SESN1: variants seen among roughly 807,000 people sequenced by gnomAD.
SESN1 encodes sestrin-1.
SESN1 carries 30 observed loss-of-function variants against 59.3 expected under a neutral mutation model. The observed-to-expected ratio is 0.51, with a 90% confidence interval of 0.38 to 0.69. The LOEUF (loss-of-function observed/expected upper bound fraction) is 0.69, where lower values mean the gene tolerates loss of function less well. Ranked by LOEUF, SESN1 falls within the 30% of genes least tolerant of loss-of-function variation. SESN1 has a pLI of 0.00. For synonymous variants in SESN1, 197 were observed against 219.9 expected (o/e 0.90, Z 0.92); for missense variants, 566 against 673.0 (o/e 0.84, Z 1.76).
In SESN1 at chr6:109,094,236, G is replaced by T; in HGVS notation, c.-163C>A. 1.4e-6 allele frequency: 1 copy of T among 705,062 alleles called. No individual in the cohort carries two copies. Among genetic ancestry groups the T allele is most frequent in the Non-Finnish European group, 2.3e-6 (1 of 430,950 alleles). The allele number at this position is 705,062 out of a possible 1,614,324, so 43.7% of individuals were successfully genotyped here. A position where few individuals can be genotyped will look rare whatever the true frequency, so the allele number is the denominator to read the frequency against. On this transcript the variant is annotated 5_prime_UTR_variant, in exon 1 of 10. Transcript: ENST00000436639. ...TTTGGAACCACTGGTGCCTTCAGCC[G>T]ATCTACAAGCTAGGTCACCCTCTCA...
At chr6:109,028,579 A>G (rs1019089342) in intron 1 of SESN1, among the ~76,000 whole-genome samples, 1 of 152,194 alleles carries the variant, frequency 6.6e-6, no homozygotes, top group Non-Finnish European at 1.5e-5. Flanking sequence ...CTTCCGGGCA[A>G]TACTAGGGGG....
At chr6:109,040,659 T>TTTC (rs1402207453) in intron 1 of SESN1, among the ~76,000 whole-genome samples, 3 of 147,554 alleles carry the variant, frequency 2.0e-5, no homozygotes, top group African/African-American at 4.9e-5. Context: ...AGCATAATCT[T>TTTC]TTTTTTTTTT....
intron 8 of SESN1, among the ~76,000 whole-genome samples, chr6:108,989,539 A>C (rs1288077545): frequency 2.2e-4 from 23 of 104,280 alleles, no homozygotes; most frequent in African/African-American, 3.1e-4. Context: ...ATAGAGATAG[A>C]GATATCTCTA....
At chr6:108,995,255 T>C (rs1040806028) in intron 5 of SESN1, among the ~76,000 whole-genome samples, 6 of 152,366 alleles carry the variant, frequency 3.9e-5, no homozygotes, top group African/African-American at 1.4e-4. Context: ...TCTACTTGCT[T>C]AATCTTTAAA....
intron 5 of SESN1, among the ~76,000 whole-genome samples, chr6:108,994,940 G>C (rs1400474205): frequency 6.6e-6 from 1 of 152,060 alleles, no homozygotes; most frequent in Non-Finnish European, 1.5e-5. Context: ...TCCTGACCTT[G>C]TGATCTGTCC....
chr6:109,055,275 T>G (rs1369309690), intron 1 of SESN1, among the ~76,000 whole-genome samples: 1 of 152,172 alleles, frequency 6.6e-6, no homozygotes, highest in Non-Finnish European at 1.5e-5. Context: ...CCTTCTTGGG[T>G]CCCTAGTTTT....
chr6:109,083,359 A>G (rs1427987972), intron 1 of SESN1, among the ~76,000 whole-genome samples: 1 of 152,236 alleles, frequency 6.6e-6, no homozygotes, highest in African/African-American at 2.4e-5. Flanking sequence ...TGTTTTTTAA[A>G]GTATAACCTT....
chr6:109,069,116 T>G (rs112306491), intron 1 of SESN1, among the ~76,000 whole-genome samples: 1 of 152,098 alleles, frequency 6.6e-6, no homozygotes, highest in African/African-American at 2.4e-5. Flanking sequence ...TGGGGTGAAG[T>G]GTTTGTAACT....
At chr6:109,038,774 T>C (rs1028173244) in intron 1 of SESN1, among the ~76,000 whole-genome samples, 3 of 152,204 alleles carry the variant, frequency 2.0e-5, no homozygotes, top group Middle Eastern at 3.4e-3. Flanking sequence ...ATGAATGAGG[T>C]AACTCCATTG....
intron 2 of SESN1, 135 bp downstream of exon 2, chr6:109,002,143 A>C: frequency 4.4e-6 from 3 of 679,274 alleles, no homozygotes; most frequent in Middle Eastern, 2.5e-4. Flanking sequence ...ATTCACTGCC[A>C]AAGAATGATT....
At chr6:109,008,903 G>A (rs1206928785) in intron 1 of SESN1, 49 of 986,874 alleles carry the variant, frequency 5.0e-5, no homozygotes, top group Non-Finnish European at 5.8e-5. Context: ...TCTCTTTTAA[G>A]TAGGAGGCAA....
intron 1 of SESN1, among the ~76,000 whole-genome samples, chr6:109,070,401 G>A (rs1780911740): frequency 6.6e-6 from 1 of 150,548 alleles, no homozygotes; most frequent in Middle Eastern, 3.2e-3. Flanking sequence ...GCCCATGTAC[G>A]CAACCTTAGG....
intron 1 of SESN1, among the ~76,000 whole-genome samples, chr6:109,074,197 A>G (rs548034176): frequency 6.6e-6 from 1 of 152,334 alleles, no homozygotes; most frequent in South Asian, 2.1e-4. Flanking sequence ...TTGTGTAAGT[A>G]CATTCTATGA....
At chr6:108,993,116 T>G in intron 6 of SESN1, 1 of 457,394 alleles carries the variant, frequency 2.2e-6, no homozygotes, top group Non-Finnish European at 3.8e-6. Flanking sequence ...ATAGTTGAAT[T>G]CTCTATGCCT....
chr6:109,062,520 A>C (rs1780749441), intron 1 of SESN1, among the ~76,000 whole-genome samples: 1 of 152,196 alleles, frequency 6.6e-6, no homozygotes, highest in South Asian at 2.1e-4. Flanking sequence ...TGGATGATAA[A>C]TTATGTGAGG....
chr6:108,985,531 T>TA lies in SESN1; in HGVS notation c.*2012dup, dbSNP rs1779159849. Among the ~76,000 whole-genome samples, 1 of 152,240 alleles carries TA rather than the reference T, an allele frequency of 6.6e-6. No individual in the cohort carries two copies. The highest frequency in any genetic ancestry group is 2.4e-5 in the African/African-American group (1 of 41,472). On this transcript the variant is annotated 3_prime_UTR_variant, in exon 10 of 10. Transcript: ENST00000436639. ...TGCTAAATGGAAGGCATTGAAACAT[T>TA]AACTTTGTATCACATGCACTTTTAT...
intron 3 of SESN1, 147 bp from the exon 4 acceptor site, chr6:109,000,820 A>T: frequency 1.7e-6 from 1 of 574,818 alleles, no homozygotes; most frequent in African/African-American, 1.9e-5. Flanking sequence ...TTTTATATAA[A>T]CATTTTAAAA....
intron 1 of SESN1, among the ~76,000 whole-genome samples, chr6:109,017,237 AC>A (rs1398841819): frequency 6.6e-6 from 1 of 152,166 alleles, no homozygotes; most frequent in Non-Finnish European, 1.5e-5. Context: ...ATACTATGTA[AC>A]CATTTAGCAT....
chr6:109,062,610 A>G (rs553020060), intron 1 of SESN1, among the ~76,000 whole-genome samples: 1 of 152,338 alleles, frequency 6.6e-6, no homozygotes, highest in East Asian at 1.9e-4. Flanking sequence ...GTGCGTGTGA[A>G]AGAGAGAGAC....
Sources: gnomAD v4.1 joint callset for allele counts (sites outside exome capture counted in the v4.1 genomes callset) on GRCh38, gnomAD v4.1.1 for gene constraint, MANE v1.5 for transcripts, NCBI Gene and HGNC (gene_info 2026-07-23, HGNC 2026-07-21) for gene names.